Variants in SPDYE4 observed in about 807,000 individuals in gnomAD.
The protein encoded by SPDYE4 is speedy/RINGO cell cycle regulator family member E4, also known as speedy protein E4.
SPDYE4 carries 30 observed loss-of-function variants against 37.5 expected under a neutral mutation model. That is an observed-to-expected ratio of 0.80 (90% CI 0.60 to 1.09). The LOEUF (loss-of-function observed/expected upper bound fraction) is 1.09, where lower values mean the gene tolerates loss of function less well. SPDYE4 is among the 50% of genes least tolerant of loss of function. The pLI is 0.00. For missense variants in SPDYE4, 300 were observed against 307.9 expected, an observed-to-expected ratio of 0.97 and a Z score of 0.19; for synonymous variants, 131 against 120.3, an observed-to-expected ratio of 1.09 and a Z score of -0.58.
downstream of SPDYE4, among the ~76,000 whole-genome samples, chr17:8,748,028 C>T (rs1202468675): frequency 6.6e-6 from 1 of 152,196 alleles, no homozygotes; most frequent in African/African-American, 2.4e-5. Context: ...TCTGCTGAGA[C>T]TTATTCACTA....
intron 1 of SPDYE4, among the ~76,000 whole-genome samples, chr17:8,757,787 T>TCTC (rs2086786716): frequency 7.4e-6 from 1 of 134,306 alleles, no homozygotes; most frequent in African/African-American, 3.0e-5. Flanking sequence ...CTCTCTCTCT[T>TCTC]TTTTTTTTTT....
Position 8,753,308 on chromosome 17 carries a change from T to G in SPDYE4, c.654+13A>C. The G allele has an allele frequency of 5.2e-6, 3 of 571,546 alleles. No homozygotes were observed. The highest frequency in any genetic ancestry group is 9.4e-6 in the Non-Finnish European group (3 of 320,112). The allele number at this position is 571,546 out of a possible 1,614,324, so 35.4% of individuals were successfully genotyped here. A position where few individuals can be genotyped will look rare whatever the true frequency, so the allele number is the denominator to read the frequency against. On this transcript the variant is annotated intron_variant, in intron 5 of 6. Transcript: ENST00000689094. ...CCCTCCCCACCCCCACCTCCTCATATGGCCCCACCTACCTCCTCCATCTCC... is the reference window on the plus strand; with the variant it reads ...CCCTCCCCACCCCCACCTCCTCATAGGGCCCCACCTACCTCCTCCATCTCC...
At position 8,752,189 on chromosome 17, in the gene SPDYE4, C is replaced by T. The variant is rs1276609841; in HGVS notation, c.*93G>A. Reference sequence around the variant, plus strand: ...CCTTCCTGGTGTCTGGCATTAGCGTCGCGATAAACTTCCTGCTGAAAATTC... The same window carrying T: ...CCTTCCTGGTGTCTGGCATTAGCGTTGCGATAAACTTCCTGCTGAAAATTC... On this transcript the variant is annotated 3_prime_UTR_variant, in exon 7 of 7. Coordinates refer to ENST00000689094, the MANE Select transcript of SPDYE4 (RefSeq NM_001394956.1). Among the ~76,000 whole-genome samples, 2 of 152,118 alleles carry T rather than the reference C, an allele frequency of 1.3e-5. No homozygotes were observed. Among genetic ancestry groups the T allele is most frequent in the African/African-American group, 2.4e-5 (1 of 41,414 alleles).
chr17:8,753,664 G>A (rs2086749465), intron 4 of SPDYE4, among the ~76,000 whole-genome samples, 175 bp from the exon 5 acceptor site: 1 of 152,108 alleles, frequency 6.6e-6, no homozygotes, highest in Admixed American at 6.5e-5. Flanking sequence ...TGCTAAGGGT[G>A]CCTCTCAAAC....
chr17:8,750,451 C>A (rs1026248384), downstream of SPDYE4, among the ~76,000 whole-genome samples: 1 of 152,062 alleles, frequency 6.6e-6, no homozygotes, highest in Non-Finnish European at 1.5e-5. Context: ...TGGCTTACGC[C>A]TGTAATCCCA....
chr17:8,755,396 C>G, intron 4 of SPDYE4, 124 bp downstream of exon 4: 1 of 1,201,974 alleles, frequency 8.3e-7, no homozygotes, highest in African/African-American at 1.5e-5. Flanking sequence ...ATAATCTTAT[C>G]GTTTTTATAT....
intron 3 of SPDYE4, among the ~76,000 whole-genome samples, 191 bp from the exon 4 acceptor site, chr17:8,755,796 G>A (rs62069167): frequency 0.084 from 12,852 of 152,096 alleles, 1,092 homozygotes; most frequent in African/African-American, 0.22. Context: ...CCGGGAAGTC[G>A]GAGGGAGGGA....
At chr17:8,755,090 G>C (rs1054455630) in intron 4 of SPDYE4, among the ~76,000 whole-genome samples, 1 of 152,210 alleles carries the variant, frequency 6.6e-6, no homozygotes, top group Non-Finnish European at 1.5e-5. Flanking sequence ...GGCAGGACTC[G>C]CAGGAATGCC....
intron 1 of SPDYE4, 155 bp downstream of exon 1, chr17:8,758,119 C>CT (rs2086789710): frequency 7.7e-6 from 5 of 647,558 alleles, no homozygotes; most frequent in Middle Eastern, 4.0e-4. Flanking sequence ...TGCTTGGCCC[C>CT]ATTCCCTGCA....
intron 4 of SPDYE4, among the ~76,000 whole-genome samples, chr17:8,754,402 C>G (rs1428111017): frequency 1.3e-5 from 2 of 152,072 alleles, no homozygotes; most frequent in South Asian, 2.1e-4. Context: ...AGCAAAACGT[C>G]ATCTCTACTA....
In SPDYE4 at chr17:8,750,971, C is replaced by T. The variant is rs919400145; in HGVS notation, c.*1311G>A. Among the ~76,000 whole-genome samples, 4 of 152,172 alleles carry T rather than the reference C, an allele frequency of 2.6e-5. No individual in the cohort carries two copies. The highest frequency in any genetic ancestry group is 4.4e-5 in the Non-Finnish European group (3 of 68,036). On this transcript the variant is annotated 3_prime_UTR_variant, in exon 7 of 7. Coordinates refer to ENST00000689094, the MANE Select transcript of SPDYE4 (RefSeq NM_001394956.1). ...CACATGTCCTCTTTAAAGTAACATA[C>T]AAACCTTTCAATACAAGCTAAAAAA... is the stretch of plus-strand genomic sequence containing the variant.
chr17:8,755,379 C>T (rs1447639655), intron 4 of SPDYE4, 141 bp downstream of exon 4: 2 of 1,066,870 alleles, frequency 1.9e-6, no homozygotes, highest in Non-Finnish European at 2.7e-6. Context: ...ACTAAGAACA[C>T]CATAGTATAA....
downstream of SPDYE4, among the ~76,000 whole-genome samples, chr17:8,747,746 A>G (rs188655507): frequency 2.6e-5 from 4 of 152,336 alleles, no homozygotes; most frequent in African/African-American, 9.6e-5. Flanking sequence ...CCCAAAGCGT[A>G]GAGAGTCTTC....
chr17:8,750,427 A>AATAAG (rs2086720001), downstream of SPDYE4, among the ~76,000 whole-genome samples: 1 of 151,822 alleles, frequency 6.6e-6, no homozygotes, highest in Non-Finnish European at 1.5e-5. Context: ...AATAAAATAA[A>AATAAG]GGGCCAGGGG....
chr17:8,757,318 C>T lies in SPDYE4; in HGVS notation c.284G>A (p.Arg95Gln), dbSNP rs374921150. Residue 95 changes from arginine to glutamine, a missense_variant, in exon 2 of 7, where the codon CGA (arginine) becomes CAA (glutamine). Transcript: ENST00000689094. ...AGGGAGCACGGAGGATGCTCGCTTT[C>T]GCTTCAGCTTCATCTTGAGCCCACA... is the stretch of plus-strand genomic sequence containing the variant. ...TLCGLKMKLKRKRASSVLPEH... is the reference protein window; with the variant it reads ...TLCGLKMKLKQKRASSVLPEH... 1.2e-4 allele frequency: 193 copies of T among 1,603,826 alleles called. No individual in the cohort carries two copies. The highest frequency in any genetic ancestry group is 4.5e-4 in the African/African-American group (34 of 74,858).
At chr17:8,756,526 G>A in intron 2 of SPDYE4, 90 bp from the exon 3 acceptor site, 1 of 1,305,102 alleles carries the variant, frequency 7.7e-7, no homozygotes, top group East Asian at 2.3e-5. Flanking sequence ...GTCCCTCTGG[G>A]GGAAGTCTCA....
chr17:8,758,476 C>A lies in SPDYE4; in HGVS notation c.-94G>T. On this transcript the variant is annotated 5_prime_UTR_variant, in exon 1 of 7. Coordinates refer to ENST00000689094, the MANE Select transcript of SPDYE4 (RefSeq NM_001394956.1). ...GACTCCGTTAGGACCCAGAAGAGTG[C>A]GTTTCTCTTCTAGAGGCTCGGGAGA... is the stretch of plus-strand genomic sequence containing the variant. 1.5e-5 allele frequency: 18 copies of A among 1,185,354 alleles called. No homozygotes were observed. Among genetic ancestry groups the A allele is most frequent in the Non-Finnish European group, 2.2e-5 (18 of 819,580 alleles). 73.4% of individuals were successfully genotyped at this position (1,185,354 alleles called of 1,614,324 possible). A position where few individuals can be genotyped will look rare whatever the true frequency, so the allele number is the denominator to read the frequency against.
At chr17:8,750,350 C>T (rs994115371), downstream of SPDYE4, among the ~76,000 whole-genome samples, 6 of 152,054 alleles carry the variant, frequency 3.9e-5, no homozygotes, top group East Asian at 1.9e-4. Flanking sequence ...GATTGAGCCA[C>T]TGCATTTCAG....
downstream of SPDYE4, among the ~76,000 whole-genome samples, chr17:8,749,193 A>G (rs2086710358): frequency 6.6e-6 from 1 of 151,616 alleles, no homozygotes; most frequent in Admixed American, 6.6e-5. Flanking sequence ...CCCAGGCCCA[A>G]GCAATCCTCC....
Sources: allele counts gnomAD v4.1 joint callset (sites outside exome capture counted in the v4.1 genomes callset), GRCh38; gene constraint gnomAD v4.1.1; transcripts MANE v1.5; gene names NCBI Gene and HGNC (gene_info 2026-07-23, HGNC 2026-07-21).